Variants in PTPN4 observed in about 807,000 individuals in gnomAD.
The protein encoded by PTPN4 is protein tyrosine phosphatase non-receptor type 4.
PTPN4 carries 49 observed loss-of-function variants against 135.5 expected under a neutral mutation model. The observed-to-expected ratio is 0.36, with a 90% CI of 0.29 to 0.46. The LOEUF is 0.46. Among genes scored for constraint, PTPN4 ranks in the 20% least tolerant of loss-of-function variants. The pLI, the probability that PTPN4 is intolerant of heterozygous loss-of-function variation, is 1.00. For synonymous variants in PTPN4, 333 were observed against 369.9 expected (o/e 0.90, Z 1.14); for missense variants, 860 against 1,101.0 (o/e 0.78, Z 3.10).
At chr2:119,935,940 TTATC>T (rs1378369867) in intron 15 of PTPN4, among the ~76,000 whole-genome samples, 2 of 152,168 alleles carry the variant, frequency 1.3e-5, no homozygotes, top group African/African-American at 2.4e-5. Flanking sequence ...AAAATTATCT[TTATC>T]TATTTTTAAA....
chr2:119,834,125 G>A (rs546622149), intron 2 of PTPN4, among the ~76,000 whole-genome samples: 1 of 152,336 alleles, frequency 6.6e-6, no homozygotes, highest in East Asian at 1.9e-4. Flanking sequence ...TTAAGTCAAT[G>A]TTTAGAGTAT....
At chr2:119,926,466 ATTCTCTGCTTCCTT>A (rs1161097950) in intron 12 of PTPN4, 118 bp from the exon 13 acceptor site, 2 of 531,354 alleles carry the variant, frequency 3.8e-6, no homozygotes, top group Admixed American at 3.6e-5. Flanking sequence ...CAGTCTTTTT[ATTCTCTGCTTCCTT>A]TTCTCTGCTA....
Position 119,885,784 on chromosome 2 carries a change from T to C in PTPN4, c.588-11T>C. 6.5e-7 allele frequency: 1 copy of C among 1,531,120 alleles called. No homozygotes were observed. Among genetic ancestry groups the C allele is most frequent in the Admixed American group, 2.1e-5 (1 of 47,056 alleles). The allele number at this position is 1,531,120 out of a possible 1,614,324, so 94.8% of individuals were successfully genotyped here. ...ATTGATCTCATTTTTAACTTAATGA[T>C]GTCTTTATAGAGGCTTATCTCCTGC... On this transcript the variant is annotated splice_polypyrimidine_tract_variant and intron_variant, in intron 8 of 26. Transcript: ENST00000263708.
At position 119,928,664 on chromosome 2, in the gene PTPN4, A is replaced by AT. The variant is rs199691474; in HGVS notation, c.1070+2004dup. 2.6e-5 allele frequency among the ~76,000 whole-genome samples: 4 copies of AT among 152,174 alleles called. No homozygotes were observed. The South Asian group carries it at 6.2e-4, about 24-fold the overall frequency. ...TATGGAAAATGAAATGAGTCCATGT[A>AT]TTTTTTAAAAAACGAATAACATTTC... On this transcript the variant is annotated intron_variant, in intron 13 of 26. Transcript: ENST00000263708.
At chr2:119,858,852 T>A (rs1371499949) in intron 2 of PTPN4, among the ~76,000 whole-genome samples, 2 of 152,110 alleles carry the variant, frequency 1.3e-5, no homozygotes, top group Non-Finnish European at 2.9e-5. Flanking sequence ...GCCAGGATGA[T>A]CTTGATCTCC....
chr2:119,931,358 G>C (rs1212647687), intron 13 of PTPN4, among the ~76,000 whole-genome samples: 1 of 150,882 alleles, frequency 6.6e-6, no homozygotes, highest in African/African-American at 2.4e-5. Context: ...AAAATTCTAA[G>C]GGTTTATGAT....
chr2:119,765,696 A>T (rs1262858685), intron 1 of PTPN4, among the ~76,000 whole-genome samples: 1 of 152,224 alleles, frequency 6.6e-6, no homozygotes, highest in Non-Finnish European at 1.5e-5. Flanking sequence ...AACAATTAAC[A>T]ATTCATAGTG....
At chr2:119,955,393 TG>T in intron 20 of PTPN4, 70 bp downstream of exon 20, 1 of 1,222,750 alleles carries the variant, frequency 8.2e-7, no homozygotes, top group Non-Finnish European at 1.1e-6. Context: ...GTTTCTTAAG[TG>T]CCTAATCTGT....
intron 2 of PTPN4, among the ~76,000 whole-genome samples, chr2:119,819,608 G>A (rs1677036006): frequency 6.6e-6 from 1 of 152,070 alleles, no homozygotes; most frequent in Non-Finnish European, 1.5e-5. Flanking sequence ...ACCCTAAACA[G>A]CTGGGCTAAT....
intron 1 of PTPN4, among the ~76,000 whole-genome samples, chr2:119,782,594 AATAG>A (rs887277462): frequency 3.3e-5 from 5 of 151,912 alleles, no homozygotes; most frequent in African/African-American, 9.7e-5. Flanking sequence ...GCTCCAAGGT[AATAG>A]ATAGACAGTA....
chr2:119,798,722 C>T (rs997583938), intron 1 of PTPN4, among the ~76,000 whole-genome samples: 1 of 152,200 alleles, frequency 6.6e-6, no homozygotes, highest in Non-Finnish European at 1.5e-5. Flanking sequence ...GCTGATTAGA[C>T]AATTCACTTA....
intron 2 of PTPN4, among the ~76,000 whole-genome samples, chr2:119,855,340 G>A (rs1220514359): frequency 6.6e-6 from 1 of 152,046 alleles, no homozygotes; most frequent in African/African-American, 2.4e-5. Context: ...AACAAGTTGG[G>A]AACTATTGCT....
chr2:119,820,586 A>G (rs1393333966), intron 2 of PTPN4, among the ~76,000 whole-genome samples: 2 of 152,142 alleles, frequency 1.3e-5, no homozygotes, highest in African/African-American at 4.8e-5. Flanking sequence ...GTTGATGTTG[A>G]TGGATGTGCT....
At chr2:119,928,775 C>T (rs1313242099) in intron 13 of PTPN4, among the ~76,000 whole-genome samples, 1 of 152,042 alleles carries the variant, frequency 6.6e-6, no homozygotes, top group African/African-American at 2.4e-5. Context: ...CTTCTTTCTG[C>T]TTGACTTTTA....
chr2:119,893,182 G>A lies in PTPN4; in HGVS notation c.675+7300G>A, dbSNP rs536233948. Among the ~76,000 whole-genome samples the A allele has an allele frequency of 3.3e-5, 5 of 152,306 alleles. No individual in the cohort carries two copies. The East Asian group carries it at 9.6e-4, about 29-fold the overall frequency. ...TAAGATACTAAGGGAAGAGACTGTT[G>A]GAGTGATCCAGGTGAAAGGTAATGG... On this transcript the variant is annotated intron_variant, in intron 9 of 26. Transcript: ENST00000263708.
intron 15 of PTPN4, among the ~76,000 whole-genome samples, chr2:119,941,799 C>G (rs1574414441): frequency 6.6e-6 from 1 of 152,116 alleles, no homozygotes; most frequent in Non-Finnish European, 1.5e-5. Flanking sequence ...CTATCTGTAT[C>G]TTCCTGCTTG....
intron 10 of PTPN4, among the ~76,000 whole-genome samples, chr2:119,911,075 T>A (rs1296367796): frequency 6.6e-6 from 1 of 152,148 alleles, no homozygotes; most frequent in Non-Finnish European, 1.5e-5. Context: ...GGCCCCTTGT[T>A]GTGAATTCTA....
chr2:119,845,890 AT>A (rs1279187835), intron 2 of PTPN4, among the ~76,000 whole-genome samples: 33 of 152,000 alleles, frequency 2.2e-4, no homozygotes, highest in African/African-American at 8.0e-4. Flanking sequence ...TGTTATCTTC[AT>A]TTTCATTTAT....
intron 9 of PTPN4, among the ~76,000 whole-genome samples, chr2:119,893,633 C>G (rs953442228): frequency 6.6e-6 from 1 of 152,036 alleles, no homozygotes; most frequent in Non-Finnish European, 1.5e-5. Context: ...TAGAACACTT[C>G]AATGTTTAGA....
Sources: allele counts gnomAD v4.1 joint callset (sites outside exome capture counted in the v4.1 genomes callset), GRCh38; gene constraint gnomAD v4.1.1; transcripts MANE v1.5; gene names NCBI Gene and HGNC (gene_info 2026-07-23, HGNC 2026-07-21).